CDH13: variants seen among roughly 807,000 people sequenced by gnomAD.
CDH13 encodes cadherin 13.
CDH13 carries 24 observed loss-of-function variants against 63.8 expected under a neutral mutation model. That is an observed-to-expected ratio of 0.38 (90% CI 0.27 to 0.53). The LOEUF (loss-of-function observed/expected upper bound fraction) is 0.53. Ranked by LOEUF, CDH13 falls within the 20% of genes least tolerant of loss-of-function variation. The pLI, the probability that CDH13 is intolerant of heterozygous loss-of-function variation, is 0.85. For missense variants in CDH13, 1,049 were observed against 903.1 expected (o/e 1.16, Z -2.07); for synonymous variants, 503 against 355.3 (o/e 1.42, Z -4.67).
In CDH13 at chr16:83,146,717, G is replaced by A. The variant is rs149991528; in HGVS notation, c.483+21216G>A. 4.4e-3 allele frequency among the ~76,000 whole-genome samples: 666 copies of A among 152,276 alleles called. 4 individuals carry two copies. Among genetic ancestry groups the A allele is most frequent in the African/African-American group, 0.015 (632 of 41,536 alleles). The stretch of plus-strand genomic sequence containing the variant: ...AATACCAATAATTCAAGCACAATTG[G>A]AGTTTGGTTATCAAAGGACAAAATA... On this transcript the variant is annotated intron_variant, in intron 4 of 13. Transcript: ENST00000567109.
intron 1 of CDH13, among the ~76,000 whole-genome samples, chr16:82,793,568 C>T (rs1822288285): frequency 6.6e-6 from 1 of 152,286 alleles, no homozygotes; most frequent in South Asian, 2.1e-4. Flanking sequence ...CTGCCGTGTG[C>T]TTGGTGAACC....
chr16:82,892,387 G>C (rs1451011645), intron 2 of CDH13, among the ~76,000 whole-genome samples: 1 of 152,176 alleles, frequency 6.6e-6, no homozygotes, highest in Non-Finnish European at 1.5e-5. Context: ...ACATTTGACT[G>C]TTTTCAAAAG....
intron 2 of CDH13, among the ~76,000 whole-genome samples, chr16:82,982,033 G>A (rs1442243109): frequency 6.6e-6 from 1 of 152,056 alleles, no homozygotes; most frequent in East Asian, 1.9e-4. Context: ...TAACAGCATG[G>A]TATATGAAGC....
rs144498595 is a variant in CDH13, at chr16:82,830,227, G to C, written c.46-28135G>C. Reference sequence around the variant, plus strand: ...TGCCCCTTTTCTGATTCACACTACAGGGAGGACACTTGGTACTTATCAATA... The same window carrying C: ...TGCCCCTTTTCTGATTCACACTACACGGAGGACACTTGGTACTTATCAATA... On this transcript the variant is annotated intron_variant, in intron 1 of 13. Coordinates refer to ENST00000567109, the MANE Select transcript of CDH13 (RefSeq NM_001257.5). Among the ~76,000 whole-genome samples the C allele has an allele frequency of 3.9e-3, 592 of 152,260 alleles. 4 individuals are homozygous for C. The highest frequency in any genetic ancestry group is 0.013 in the African/African-American group (547 of 41,550).
At chr16:83,595,523 T>A (rs1907168420) in intron 7 of CDH13, among the ~76,000 whole-genome samples, 1 of 152,170 alleles carries the variant, frequency 6.6e-6, no homozygotes, top group Admixed American at 6.5e-5. Flanking sequence ...TAAGCAGCCC[T>A]TAAACCTAAA....
chr16:83,394,199 G>C (rs1280653389), intron 6 of CDH13, among the ~76,000 whole-genome samples: 1 of 151,524 alleles, frequency 6.6e-6, no homozygotes, highest in African/African-American at 2.4e-5. Context: ...CATGACACAA[G>C]TTTACCTATA....
chr16:82,633,706 C>T (rs946144946), intron 1 of CDH13, among the ~76,000 whole-genome samples: 1 of 152,208 alleles, frequency 6.6e-6, no homozygotes, highest in Non-Finnish European at 1.5e-5. Context: ...GACACTGTCA[C>T]ATCCTAGCAC....
chr16:83,273,532 A>G (rs1015569568), intron 5 of CDH13, among the ~76,000 whole-genome samples: 3 of 152,168 alleles, frequency 2.0e-5, no homozygotes, highest in Admixed American at 6.5e-5. Context: ...ATGGAATACT[A>G]TGAAGCCACA....
In CDH13 at chr16:83,783,323, C is replaced by G. The variant is rs1378636130; in HGVS notation, c.1985C>G (p.Thr662Arg). ...AACTACAACCTGCCCATCATGGTGA[C>G]AGATTCAGGGAAACCACCCATGACG... ...KANYNLPIMV[T>R]DSGKPPMTNI... Residue 662 changes from threonine to arginine, a missense_variant, in exon 13 of 14, where the codon ACA (threonine) becomes AGA (arginine). Transcript: ENST00000567109. 3 of 1,613,948 alleles carry G rather than the reference C, an allele frequency of 1.9e-6. No homozygotes were observed.
At chr16:83,775,493 C>T (rs749917121) in intron 11 of CDH13, among the ~76,000 whole-genome samples, 5 of 152,276 alleles carry the variant, frequency 3.3e-5, no homozygotes, top group South Asian at 2.1e-4. Flanking sequence ...AGTTAGACTT[C>T]TCTGATCCTT....
At chr16:83,449,901 C>T (rs1157564053) in intron 6 of CDH13, among the ~76,000 whole-genome samples, 1 of 152,192 alleles carries the variant, frequency 6.6e-6, no homozygotes, top group Non-Finnish European at 1.5e-5. Flanking sequence ...GAATAAGTGA[C>T]GGCTGCTGTT....
chr16:83,180,171 T>TTTG (rs1212596267), intron 4 of CDH13, among the ~76,000 whole-genome samples: 2 of 151,914 alleles, frequency 1.3e-5, no homozygotes, highest in South Asian at 2.1e-4. Flanking sequence ...TGTTTGTTTG[T>TTTG]TTTTTTTATT....
intron 1 of CDH13, among the ~76,000 whole-genome samples, chr16:82,664,539 A>C (rs2150931632): frequency 6.6e-6 from 1 of 152,306 alleles, no homozygotes; most frequent in Non-Finnish European, 1.5e-5. Context: ...TGTGCCTTTG[A>C]AGCATGACTT....
chr16:83,668,086 C>T (rs2150850999), intron 8 of CDH13, among the ~76,000 whole-genome samples: 1 of 152,326 alleles, frequency 6.6e-6, no homozygotes, highest in Admixed American at 6.5e-5. Context: ...ATCAGTCCAT[C>T]CCTGGTCTTC....
intron 7 of CDH13, among the ~76,000 whole-genome samples, chr16:83,580,562 T>G (rs925407764): frequency 2.0e-5 from 3 of 150,338 alleles, no homozygotes; most frequent in African/African-American, 7.3e-5. Flanking sequence ...TGGTATGATC[T>G]GAGTTTACTG....
chr16:83,427,080 C>A (rs1163306262), intron 6 of CDH13, among the ~76,000 whole-genome samples: 1 of 151,640 alleles, frequency 6.6e-6, no homozygotes, highest in Non-Finnish European at 1.5e-5. Context: ...GCGCCCGCCA[C>A]CCCGCCTGGC....
intron 3 of CDH13, among the ~76,000 whole-genome samples, chr16:83,056,032 C>T (rs985933786): frequency 2.0e-5 from 3 of 152,064 alleles, no homozygotes; most frequent in African/African-American, 7.2e-5. Context: ...ACCCAACTAA[C>T]AATGGAGGAA....
Position 83,795,205 on chromosome 16 carries a change from A to T in CDH13, c.*175A>T, listed in dbSNP as rs1162938189. 1.8e-6 allele frequency: 1 copy of T among 559,230 alleles called. No homozygotes were observed. The highest frequency in any genetic ancestry group is 3.2e-6 in the Non-Finnish European group (1 of 316,656). 34.6% of individuals were successfully genotyped at this position (559,230 alleles called of 1,614,324 possible). A position where few individuals can be genotyped will look rare whatever the true frequency, so the allele number is the denominator to read the frequency against. ...ACTTAGTCTGTACTTCATCATTTTGACAGCATCTTCCTCCCTCCTTTAATT... is the reference window on the plus strand; with the variant it reads ...ACTTAGTCTGTACTTCATCATTTTGTCAGCATCTTCCTCCCTCCTTTAATT... On this transcript the variant is annotated 3_prime_UTR_variant, in exon 14 of 14. Transcript: ENST00000567109.
At chr16:83,299,943 G>A (rs1039193628) in intron 5 of CDH13, among the ~76,000 whole-genome samples, 1 of 152,176 alleles carries the variant, frequency 6.6e-6, no homozygotes, top group African/African-American at 2.4e-5. Flanking sequence ...TCAGATGAGG[G>A]CAAGGTCTAC....
Sources: allele counts gnomAD v4.1 joint callset (sites outside exome capture counted in the v4.1 genomes callset), GRCh38; gene constraint gnomAD v4.1.1; transcripts MANE v1.5; gene names NCBI Gene and HGNC (gene_info 2026-07-23, HGNC 2026-07-21).